IBTK: variants seen among roughly 807,000 people sequenced by gnomAD.
IBTK encodes BTK-binding protein.
IBTK carries 83 observed loss-of-function variants against 154.9 expected under a neutral mutation model. The ratio of observed to expected loss-of-function variants is 0.54; its 90% CI spans 0.45 to 0.64. The LOEUF is 0.64. Among genes scored for constraint, IBTK ranks in the 30% least tolerant of loss-of-function variants. The pLI, the probability that IBTK is intolerant of heterozygous loss-of-function variation, is 0.00. For missense variants in IBTK, 1,332 were observed against 1,584.6 expected (o/e 0.84, Z 2.71); for synonymous variants, 515 against 536.1 (o/e 0.96, Z 0.54).
At chr6:82,217,902 G>A in intron 10 of IBTK, 58 bp downstream of exon 10, 2 of 1,198,466 alleles carry the variant, frequency 1.7e-6, no homozygotes, top group Non-Finnish European at 2.3e-6. Flanking sequence ...CCTAATACTT[G>A]TCAAATTAAA....
At chr6:82,178,510 A>C (rs1214749289) in intron 26 of IBTK, among the ~76,000 whole-genome samples, 1 of 152,196 alleles carries the variant, frequency 6.6e-6, no homozygotes, top group Non-Finnish European at 1.5e-5. Flanking sequence ...CAGGGTTACA[A>C]TTTCAATTAA....
At chr6:82,243,948 C>G (rs372679792) in intron 1 of IBTK, among the ~76,000 whole-genome samples, 1 of 151,960 alleles carries the variant, frequency 6.6e-6, no homozygotes, top group East Asian at 1.9e-4. Flanking sequence ...ATAGAGAAAG[C>G]GGCACCTACA....
intron 22 of IBTK, 27 bp downstream of exon 22, chr6:82,196,270 TA>T: frequency 6.5e-7 from 1 of 1,537,708 alleles, no homozygotes; most frequent in Non-Finnish European, 8.8e-7. Context: ...AATCTGAAGG[TA>T]AGGAGGTAGT....
Position 82,231,208 on chromosome 6 carries a change from T to G in IBTK, c.543+510A>C, listed in dbSNP as rs558715499. Among the ~76,000 whole-genome samples, 13 of 152,278 alleles carry G rather than the reference T, an allele frequency of 8.5e-5. 1 individual carries two copies. The highest frequency in any genetic ancestry group is 8.5e-4 in the Admixed American group (13 of 15,298). The stretch of plus-strand genomic sequence containing the variant: ...ACTTCACATAAGATTAAACATATTC[T>G]CTTCATGATAAATAGCTTGGAACCT... On this transcript the variant is annotated intron_variant, in intron 4 of 28. Transcript: ENST00000306270.
At chr6:82,231,873 T>C (rs1562104426) in intron 3 of IBTK, 31 bp from the exon 4 acceptor site, 2 of 1,359,056 alleles carry the variant, frequency 1.5e-6, no homozygotes, top group Non-Finnish European at 2.0e-6. Flanking sequence ...TATACTTTTT[T>C]ATATTTTAAA....
At chr6:82,172,623 GAAC>G in intron 27 of IBTK, 111 bp from the exon 28 acceptor site, 1 of 857,624 alleles carries the variant, frequency 1.2e-6, no homozygotes, top group South Asian at 2.1e-5. Flanking sequence ...GACCTACAAT[GAAC>G]GAACCTGGAA....
In IBTK at chr6:82,201,482, C is replaced by A; in HGVS notation, c.2730G>T (p.Arg910Ser). The change falls in exon 19 of 29, where the codon AGG (arginine) becomes AGT (serine). Residue 910 changes from arginine to serine, a missense_variant and splice_region_variant. Arg to Ser is a moderately radical substitution (Grantham distance 110, BLOSUM62 -1). Coordinates refer to ENST00000306270, the MANE Select transcript of IBTK (RefSeq NM_015525.4). ...CACCATCGCTTAAAACATCAAGAGA[C>A]CTAAAATATAGGATACAAAATTCTA... ...GLNMAALLEARSLDVLSDGVL... is the reference protein window; with the variant it reads ...GLNMAALLEASSLDVLSDGVL... The A allele has an allele frequency of 3.8e-6, 6 of 1,596,796 alleles. No homozygotes were observed. The highest frequency in any genetic ancestry group is 5.1e-6 in the Non-Finnish European group (6 of 1,168,898).
At chr6:82,191,401 T>C (rs1256966184) in intron 24 of IBTK, 185 bp from the exon 25 acceptor site, 2 of 595,472 alleles carry the variant, frequency 3.4e-6, no homozygotes, top group East Asian at 5.9e-5. Context: ...GCTCACAAGT[T>C]TCAACAATGA....
chr6:82,204,151 T>C (rs1332733342), intron 17 of IBTK, among the ~76,000 whole-genome samples: 1 of 151,928 alleles, frequency 6.6e-6, no homozygotes, highest in African/African-American at 2.4e-5. Flanking sequence ...GAAACAGAAG[T>C]AGACAGGAGA....
intron 26 of IBTK, among the ~76,000 whole-genome samples, chr6:82,176,413 G>A (rs899161071): frequency 3.3e-4 from 50 of 151,508 alleles, no homozygotes; most frequent in African/African-American, 1.2e-3. Flanking sequence ...CCCAGCTACT[G>A]GGGAGGCTGA....
At chr6:82,239,403 C>A (rs1770855779) in intron 2 of IBTK, among the ~76,000 whole-genome samples, 1 of 151,886 alleles carries the variant, frequency 6.6e-6, no homozygotes, top group Non-Finnish European at 1.5e-5. Context: ...AGATCAGGGG[C>A]CACAGCACTC....
rs745581307 is a variant in IBTK at position 82,214,407 on chromosome 6, T to C, written c.2024A>G (p.Glu675Gly). ...NSHLNKVNFH[E>G]DDNQKSAFEV... ...AAATGCAGACTTCTGGTTATCATCTTCATGGAAATTCACTTTATTCAAATG... is the reference window on the plus strand; with the variant it reads ...AAATGCAGACTTCTGGTTATCATCTCCATGGAAATTCACTTTATTCAAATG... Residue 675 changes from glutamate to glycine, a missense_variant, in exon 12 of 29, where the codon GAA (glutamate) becomes GGA (glycine). Glu to Gly is a moderately conservative substitution (Grantham distance 98). Transcript: ENST00000306270. 1.5e-5 allele frequency: 24 copies of C among 1,613,878 alleles called. No homozygotes were observed. Among genetic ancestry groups the C allele is most frequent in the Non-Finnish European group, 1.9e-5 (22 of 1,179,916 alleles).
chr6:82,197,189 A>G (rs1769022468), intron 21 of IBTK, among the ~76,000 whole-genome samples: 1 of 152,200 alleles, frequency 6.6e-6, no homozygotes, highest in African/African-American at 2.4e-5. Context: ...AAGCTATAAA[A>G]TAAAGATGTT....
chr6:82,240,367 A>G lies in IBTK; in HGVS notation c.120T>C (p.His40=), dbSNP rs186598935. 11 of 1,614,180 alleles carry G rather than the reference A, an allele frequency of 6.8e-6. No individual in the cohort carries two copies. The East Asian group carries it at 1.8e-4, about 26-fold the overall frequency. Residue 40 remains histidine (H), a synonymous_variant, in exon 2 of 29, where the codon CAT becomes CAC. Coordinates refer to ENST00000306270, the MANE Select transcript of IBTK (RefSeq NM_015525.4). ...CCTTGATAGTTGCAGCATTGTAACA[A>G]TGACTGGAGAGAAAGGCCTTAATCT... The part of the protein sequence containing the change: ...ENQIKAFLSS[H]CYNAATIKDV...
At chr6:82,227,578 A>G (rs972585537) in intron 4 of IBTK, among the ~76,000 whole-genome samples, 1 of 152,132 alleles carries the variant, frequency 6.6e-6, no homozygotes, top group Non-Finnish European at 1.5e-5. Flanking sequence ...CCAAAGGAAA[A>G]TATAATTTTA....
chr6:82,178,285 T>C (rs1768189841), intron 26 of IBTK, among the ~76,000 whole-genome samples: 2 of 152,356 alleles, frequency 1.3e-5, no homozygotes, highest in Non-Finnish European at 2.9e-5. Flanking sequence ...CCTGATGTTA[T>C]AGCACACTCT....
At chr6:82,207,201 TA>T (rs1238098552) in intron 16 of IBTK, among the ~76,000 whole-genome samples, 1 of 151,986 alleles carries the variant, frequency 6.6e-6, no homozygotes, top group African/African-American at 2.4e-5. Context: ...AGGAATCCAC[TA>T]AAAAAACTAC....
In IBTK at chr6:82,224,124, G is replaced by A; in HGVS notation, c.887C>T (p.Thr296Ile). 1 of 1,613,952 alleles carries A rather than the reference G, an allele frequency of 6.2e-7. No homozygotes were observed. Among genetic ancestry groups the A allele is most frequent in the Non-Finnish European group, 8.5e-7 (1 of 1,179,814 alleles). The change falls in exon 7 of 29, where the codon ACA (threonine) becomes ATA (isoleucine). Residue 296 changes from threonine (T) to isoleucine (I), a missense_variant. Thr to Ile is a moderately conservative substitution (Grantham distance 89). Coordinates refer to ENST00000306270, the MANE Select transcript of IBTK (RefSeq NM_015525.4). ...AACAGCTTCTCTAGTCCATAGGACTGTATGAAACCTGCCTGCTGCAACGCC... is the reference window on the plus strand; with the variant it reads ...AACAGCTTCTCTAGTCCATAGGACTATATGAAACCTGCCTGCTGCAACGCC... ...IIGVAAGRFH[T>I]VLWTREAVYT...
intron 4 of IBTK, among the ~76,000 whole-genome samples, chr6:82,229,827 T>C (rs188769641): frequency 3.4e-4 from 52 of 152,270 alleles, no homozygotes; most frequent in Non-Finnish European, 5.7e-4. Context: ...TTCTACTCCC[T>C]ACTTCTCTAG....
Sources: allele counts gnomAD v4.1 joint callset (sites outside exome capture counted in the v4.1 genomes callset), GRCh38; gene constraint gnomAD v4.1.1; transcripts MANE v1.5; gene names NCBI Gene and HGNC (gene_info 2026-07-23, HGNC 2026-07-21).